Variants in BTG4 observed in about 807,000 individuals in gnomAD.
The protein encoded by BTG4 is BTG anti-proliferation factor 4.
A neutral mutation model predicts 19.3 loss-of-function variants in BTG4; 10 were observed. That is an observed-to-expected ratio of 0.52 (90% CI 0.32 to 0.88). The LOEUF is 0.88. Ranked by LOEUF, BTG4 falls within the 40% of genes least tolerant of loss-of-function variation. BTG4 has a pLI of 0.04. For synonymous variants in BTG4, 91 were observed against 95.7 expected (o/e 0.95, Z 0.29); for missense variants, 238 against 281.9 (o/e 0.84, Z 1.11).
chr11:111,410,183 C>CTT, the BTG4 span, among the ~76,000 whole-genome samples: 15 of 148,924 alleles, frequency 1.0e-4, no homozygotes, highest in East Asian at 2.0e-4. Flanking sequence ...TTCTGAAACT[C>CTT]TTTTTTTTTT....
the BTG4 span, among the ~76,000 whole-genome samples, chr11:111,459,224 G>A: frequency 2.0e-5 from 3 of 151,598 alleles, no homozygotes; most frequent in African/African-American, 2.4e-5. Context: ...TCTGGGTGAC[G>A]GTGAGATTCC....
At chr11:111,440,764 TG>T in the BTG4 span, among the ~76,000 whole-genome samples, 3 of 152,210 alleles carry the variant, frequency 2.0e-5, no homozygotes, top group African/African-American at 7.2e-5. Context: ...GCCCCAGACT[TG>T]TCCCATCCAG....
the BTG4 span, among the ~76,000 whole-genome samples, chr11:111,434,600 TA>T: frequency 7.4e-5 from 11 of 149,012 alleles, no homozygotes; most frequent in African/African-American, 1.7e-4. Flanking sequence ...CACTATACTT[TA>T]AAAAAAAAGA....
At chr11:111,495,628 A>G (rs1252336774) in intron 4 of BTG4, among the ~76,000 whole-genome samples, 1 of 152,204 alleles carries the variant, frequency 6.6e-6, no homozygotes, top group African/African-American at 2.4e-5. Flanking sequence ...CTGCATGTTC[A>G]TGATCTCTGG....
upstream of BTG4, among the ~76,000 whole-genome samples, chr11:111,513,194 A>AG (rs768162608): frequency 1.4e-4 from 21 of 152,348 alleles, no homozygotes; most frequent in Admixed American, 7.8e-4. Flanking sequence ...TTAAACTGTT[A>AG]GCTCTCTCTA....
chr11:111,456,645 C>A, the BTG4 span: 2 of 426,486 alleles, frequency 4.7e-6, no homozygotes, highest in South Asian at 3.3e-5. This position sits in a 1 kb window ranked among gnomAD's most constrained non-coding sequence, Gnocchi z 4.2. Context: ...GCTACTTCAT[C>A]CACCCTGACA....
intron 5 of BTG4, among the ~76,000 whole-genome samples, chr11:111,467,925 G>T (rs1366398082): frequency 6.6e-6 from 1 of 152,146 alleles, no homozygotes; most frequent in East Asian, 1.9e-4. Flanking sequence ...GTTCCAGGCT[G>T]GTATTTCCTA....
At chr11:111,436,609 G>C in the BTG4 span, among the ~76,000 whole-genome samples, 1 of 147,260 alleles carries the variant, frequency 6.8e-6, no homozygotes, top group Non-Finnish European at 1.5e-5. Context: ...CCTGGGCAAC[G>C]AGAGCAAAAC....
intron 4 of BTG4, among the ~76,000 whole-genome samples, chr11:111,496,343 A>G (rs897841956): frequency 1.3e-5 from 2 of 152,154 alleles, no homozygotes; most frequent in Non-Finnish European, 2.9e-5. Flanking sequence ...AAAAACCAGT[A>G]AAATGTTCAT....
At chr11:111,392,169 C>CTT in the BTG4 span, among the ~76,000 whole-genome samples, 41,921 of 85,028 alleles carry the variant, frequency 0.49, 16,239 homozygotes, top group Non-Finnish European at 0.61. Flanking sequence ...CTGTGATTTT[C>CTT]TTTTTTTTTT....
intron 1 of BTG4, among the ~76,000 whole-genome samples, chr11:111,505,511 C>T (rs867084088): frequency 5.9e-5 from 9 of 151,844 alleles, no homozygotes; most frequent in Non-Finnish European, 1.0e-4. Context: ...ACTATCAAAA[C>T]TGAAACTATA....
At chr11:111,455,097 G>A in the BTG4 span, 3 of 454,712 alleles carry the variant, frequency 6.6e-6, no homozygotes, top group South Asian at 4.7e-5. Context: ...AGGTGGGCTT[G>A]GTTCACGCCT....
the BTG4 span, among the ~76,000 whole-genome samples, chr11:111,436,718 T>TGCTGGCCCAGGGGCAGGCG: frequency 6.6e-6 from 1 of 151,458 alleles, no homozygotes; most frequent in African/African-American, 2.4e-5. Context: ...TACCTGACCT[T>TGCTGGCCCAGGGGCAGGCG]GCTGGCCCAG....
the BTG4 span, among the ~76,000 whole-genome samples, chr11:111,436,830 C>T: frequency 2.0e-5 from 3 of 152,056 alleles, no homozygotes; most frequent in East Asian, 1.9e-4. Context: ...CTCGAGCGAG[C>T]GCCGTTTGTT....
chr11:111,436,791 C>T, the BTG4 span, among the ~76,000 whole-genome samples: 1 of 152,222 alleles, frequency 6.6e-6, no homozygotes, highest in African/African-American at 2.4e-5. Flanking sequence ...GCGCCTGCCC[C>T]TCCAGTCCAC....
the BTG4 span, among the ~76,000 whole-genome samples, chr11:111,449,153 G>A: frequency 1.2e-4 from 18 of 152,132 alleles, no homozygotes; most frequent in Middle Eastern, 0.01. Flanking sequence ...TACCAGAACA[G>A]GCTGGTCTCC....
intron 1 of BTG4, among the ~76,000 whole-genome samples, chr11:111,507,078 A>G (rs1866509059): frequency 6.6e-6 from 1 of 152,138 alleles, no homozygotes; most frequent in Non-Finnish European, 1.5e-5. Context: ...CACTTTAAAA[A>G]AAAAAAGCTT....
chr11:111,511,690 C>T (rs952185721), intron 1 of BTG4, among the ~76,000 whole-genome samples: 2 of 152,100 alleles, frequency 1.3e-5, no homozygotes, highest in Admixed American at 1.3e-4. Context: ...AGAGATCTCC[C>T]AGAAGTCCTC....
chr11:111,449,781 A>T, the BTG4 span: 1 of 152,316 alleles, frequency 6.6e-6, no homozygotes, highest in Non-Finnish European at 1.5e-5. Flanking sequence ...TGCTGGGGAC[A>T]ACAGTCAAGC....
Sources: gnomAD v4.1 joint callset for allele counts (sites outside exome capture counted in the v4.1 genomes callset) on GRCh38, gnomAD v4.1.1 for gene constraint, Gnocchi (gnomAD v3.1) non-coding constraint, MANE v1.5 for transcripts, NCBI Gene and HGNC (gene_info 2026-07-23, HGNC 2026-07-21) for gene names.